ANXA3: variants seen among roughly 807,000 people sequenced by gnomAD.
ANXA3 encodes the protein annexin A3.
In ANXA3, 46 loss-of-function variants were observed where a neutral mutation model predicts 48.8. The ratio of observed to expected loss-of-function variants is 0.94; its 90% confidence interval spans 0.74 to 1.21. The LOEUF is 1.21. Ranked by LOEUF, ANXA3 falls within the 50% of genes most tolerant of loss-of-function variation. ANXA3 has a pLI of 0.00. For synonymous variants in ANXA3, 128 were observed against 134.7 expected, an observed-to-expected ratio of 0.95 and a Z score of 0.35; for missense variants, 383 against 378.6, an observed-to-expected ratio of 1.01 and a Z score of -0.10.
chr4:78,571,233 A>G (rs1003041974), intron 2 of ANXA3: 10 of 152,086 alleles, frequency 6.6e-5, no homozygotes, highest in African/African-American at 2.4e-4. Flanking sequence ...CTGGCCCTGA[A>G]CTCCTGGGCT....
At chr4:78,596,629 TCA>T (rs1723429397) in intron 9 of ANXA3, among the ~76,000 whole-genome samples, 1 of 152,236 alleles carries the variant, frequency 6.6e-6, no homozygotes, top group Non-Finnish European at 1.5e-5. Flanking sequence ...TGCATTAAAA[TCA>T]CATTTATTTT....
chr4:78,591,743 G>A (rs1331292178), intron 7 of ANXA3, 120 bp downstream of exon 7: 1 of 699,314 alleles, frequency 1.4e-6, no homozygotes. Flanking sequence ...TTATGAAATG[G>A]TTTGTTCATT....
chr4:78,604,535 G>A, intron 12 of ANXA3, 136 bp downstream of exon 12: 1 of 669,966 alleles, frequency 1.5e-6, no homozygotes, highest in Non-Finnish European at 2.2e-6. Context: ...TGTTGTCTGA[G>A]CTTAAAATAG....
At chr4:78,582,398 G>A (rs1347670108) in intron 5 of ANXA3, 108 bp downstream of exon 5, 4 of 682,914 alleles carry the variant, frequency 5.9e-6, no homozygotes, top group Non-Finnish European at 5.2e-6. Context: ...ATGCCCTTTT[G>A]GTCTGGACTC....
chr4:78,575,818 C>A (rs1722938905), intron 3 of ANXA3, among the ~76,000 whole-genome samples: 1 of 151,860 alleles, frequency 6.6e-6, no homozygotes, highest in Non-Finnish European at 1.5e-5. Flanking sequence ...GTTAGATATT[C>A]TCCTACTTTT....
In ANXA3 at chr4:78,579,086, C is replaced by G; in HGVS notation, c.163C>G (p.Leu55Val). ...LTERSNAQRQ[L>V]IVKEYQAAYG... ...TGAGAGGTCAAATGCACAGCGGCAG[C>G]TGATTGTTAAGGAATATCAAGCAGC... Residue 55 changes from leucine to valine, a missense_variant, in exon 4 of 13, where the codon CTG (leucine) becomes GTG (valine). Physicochemically the swap from Leu to Val is conservative, Grantham distance 32. Transcript: ENST00000264908. 1.2e-6 allele frequency: 2 copies of G among 1,611,618 alleles called. No homozygotes were observed. Among genetic ancestry groups the G allele is most frequent in the Non-Finnish European group, 1.7e-6 (2 of 1,178,134 alleles).
chr4:78,596,768 C>G (rs1413423064), intron 9 of ANXA3, among the ~76,000 whole-genome samples: 1 of 152,126 alleles, frequency 6.6e-6, no homozygotes, highest in Non-Finnish European at 1.5e-5. Flanking sequence ...GAAAAATATA[C>G]TTGGCTTACA....
rs144530066 is a variant in ANXA3, at chr4:78,586,275, G to A, written c.328G>A (p.Glu110Lys). Residue 110 changes from glutamate (E) to lysine (K), a missense_variant, in exon 6 of 13, where the codon GAA becomes AAA. By Grantham distance (56) the Glu-to-Lys change is moderately conservative. Transcript: ENST00000264908. ...KKSMKGAGTN[E>K]DALIEILTTR... ...TCCTTTTTAGGGCGCGGGAACAAAC[G>A]AAGATGCCTTGATTGAAATCTTAAC... 41 of 1,613,412 alleles carry A rather than the reference G, an allele frequency of 2.5e-5. No homozygotes were observed. The highest frequency in any genetic ancestry group is 2.4e-4 in the African/African-American group (18 of 74,880).
chr4:78,600,208 T>C (rs184505219), intron 10 of ANXA3, among the ~76,000 whole-genome samples: 23 of 152,210 alleles, frequency 1.5e-4, no homozygotes, highest in Admixed American at 1.2e-3. Flanking sequence ...GAATGGGCAA[T>C]TATGAATTCT....
chr4:78,574,447 C>A (rs1722907660), intron 3 of ANXA3, among the ~76,000 whole-genome samples: 1 of 152,040 alleles, frequency 6.6e-6, no homozygotes, highest in African/African-American at 2.4e-5. Context: ...AACAAAAAAA[C>A]CCAACACAAT....
chr4:78,588,016 A>G (rs1351531389), intron 6 of ANXA3, among the ~76,000 whole-genome samples: 1 of 152,166 alleles, frequency 6.6e-6, no homozygotes, highest in Non-Finnish European at 1.5e-5. Flanking sequence ...GAATTGCTTG[A>G]ACCCAGGAGG....
At chr4:78,606,111 G>A (rs1029648566) in intron 12 of ANXA3, among the ~76,000 whole-genome samples, 1 of 152,248 alleles carries the variant, frequency 6.6e-6, no homozygotes, top group South Asian at 2.1e-4. Context: ...CTGACCAGGG[G>A]AAAAGACAGA....
intron 12 of ANXA3, among the ~76,000 whole-genome samples, chr4:78,609,776 T>C (rs1024638710): frequency 6.6e-6 from 1 of 152,196 alleles, no homozygotes; most frequent in African/African-American, 2.4e-5. Context: ...AAATCAATAT[T>C]ATGTAAGTGA....
intron 2 of ANXA3, among the ~76,000 whole-genome samples, chr4:78,558,728 C>T (rs1496591): frequency 0.72 from 109,112 of 152,086 alleles, 40,131 homozygotes; most frequent in East Asian, 0.88. Flanking sequence ...AATATCTCTG[C>T]TCAGACATAT....
rs58452521 is a variant in ANXA3 at position 78,576,085 on chromosome 4, G to A, written c.103+2818G>A. On this transcript the variant is annotated intron_variant, in intron 3 of 12. Coordinates refer to ENST00000264908, the MANE Select transcript of ANXA3 (RefSeq NM_005139.3). The stretch of plus-strand genomic sequence containing the variant: ...TATTTGGCCCTCCCAACACCACATT[G>A]TCACAATTATTAGGATTTTATAATG... Among the ~76,000 whole-genome samples, 957 of 152,122 alleles carry A rather than the reference G, an allele frequency of 6.3e-3. 7 individuals are homozygous for A. Among genetic ancestry groups the A allele is most frequent in the African/African-American group, 0.022 (906 of 41,478 alleles).
At position 78,604,280 on chromosome 4, in the gene ANXA3, A is replaced by T; in HGVS notation, c.793A>T (p.Ile265Phe). The change falls in exon 12 of 13, where the codon ATT becomes TTT. Residue 265 changes from isoleucine (I) to phenylalanine (F), a missense_variant. Coordinates refer to ENST00000264908, the MANE Select transcript of ANXA3 (RefSeq NM_005139.3). ...GAACACCTGCATTCCTTAACAGGGT[A>T]TTGGAACTGATGAGTTTACTCTGAA... ...AERLHRALKG[I>F]GTDEFTLNRI... 6.2e-7 allele frequency: 1 copy of T among 1,610,276 alleles called. No homozygotes were observed. The highest frequency in any genetic ancestry group is 1.7e-4 in the Middle Eastern group (1 of 6,034).
At chr4:78,563,408 C>G (rs1722663512) in intron 2 of ANXA3, among the ~76,000 whole-genome samples, 1 of 152,144 alleles carries the variant, frequency 6.6e-6, no homozygotes. Flanking sequence ...CCAACCTGCC[C>G]CTTATTCATA....
At chr4:78,556,018 C>T (rs917655438) in intron 2 of ANXA3, among the ~76,000 whole-genome samples, 6 of 151,946 alleles carry the variant, frequency 3.9e-5, no homozygotes, top group Admixed American at 3.3e-4. Context: ...AAATTTGGTA[C>T]ACTTTTGGAT....
intron 2 of ANXA3, among the ~76,000 whole-genome samples, chr4:78,562,629 G>C (rs1471389953): frequency 6.6e-6 from 1 of 152,144 alleles, no homozygotes; most frequent in African/African-American, 2.4e-5. Context: ...CCAGATATTG[G>C]CTCTGGCAAC....
Sources: gnomAD v4.1 joint callset for allele counts (sites outside exome capture counted in the v4.1 genomes callset) on GRCh38, gnomAD v4.1.1 for gene constraint, MANE v1.5 for transcripts, NCBI Gene and HGNC (gene_info 2026-07-23, HGNC 2026-07-21) for gene names.